Variants in C10orf53 observed in about 807,000 individuals in gnomAD.
C10orf53 encodes the protein UPF0728 protein C10orf53.
A neutral mutation model predicts 9.4 loss-of-function variants in C10orf53; 8 were observed. The ratio of observed to expected loss-of-function variants is 0.85; its 90% CI spans 0.50 to 1.53. The LOEUF is 1.53. C10orf53 is among the 40% of genes most tolerant of loss of function. C10orf53 has a pLI of 0.00. For missense variants in C10orf53, 117 were observed against 117.8 expected (o/e 0.99, Z 0.03); for synonymous variants, 48 against 46.0 (o/e 1.04, Z -0.18).
chr10:49,690,082 G>A (rs1180530721), intron 1 of C10orf53, among the ~76,000 whole-genome samples: 4 of 152,156 alleles, frequency 2.6e-5, no homozygotes, highest in Non-Finnish European at 5.9e-5. Flanking sequence ...TGCAGGAGGT[G>A]AGCGGGTGGA....
At chr10:49,708,376 G>A in exon 3 of C10orf53, 1 of 1,614,092 alleles carries the variant, frequency 6.2e-7, no homozygotes, top group Non-Finnish European at 8.5e-7. Flanking sequence ...CTCACCCCAA[G>A]TAGTGACAAG....
Position 49,694,904 on chromosome 10 carries a change from A to C in C10orf53, c.*302A>C. The C allele has an allele frequency of 8.7e-7, 1 of 1,151,670 alleles. No individual in the cohort carries two copies. The highest frequency in any genetic ancestry group is 1.1e-6 in the Non-Finnish European group (1 of 934,582). The allele number at this position is 1,151,670 out of a possible 1,614,324, so 71.3% of individuals were successfully genotyped here. On this transcript the variant is annotated 3_prime_UTR_variant, in exon 3 of 3. Coordinates refer to ENST00000374111, the MANE Select transcript of C10orf53 (RefSeq NM_001042427.3). ...AAACAATAAAATGCAATCAAATAAC[A>C]AGGTGCCATTCCTGACTAATAACAC...
At chr10:49,709,120 C>T (rs1374789829) in exon 3 of C10orf53, 1 of 162,538 alleles carries the variant, frequency 6.2e-6, no homozygotes, top group Non-Finnish European at 1.3e-5. Context: ...TTTCCATTGT[C>T]ATGTTATATT....
chr10:49,694,381 G>A, intron 2 of C10orf53, 157 bp from the exon 3 acceptor site: 1 of 1,047,966 alleles, frequency 9.5e-7, no homozygotes, highest in East Asian at 2.6e-5. Context: ...AGAAGTTAAA[G>A]CTTTGCAATC....
intron 1 of C10orf53, among the ~76,000 whole-genome samples, chr10:49,680,984 G>A (rs1248927464): frequency 6.6e-6 from 1 of 152,168 alleles, no homozygotes; most frequent in African/African-American, 2.4e-5. Flanking sequence ...CTTGACTTTA[G>A]CATGGGTTTA....
At chr10:49,710,147 A>T (rs1183837276) in exon 3 of C10orf53, 1 of 152,170 alleles carries the variant, frequency 6.6e-6, no homozygotes, top group East Asian at 1.9e-4. Context: ...CAACAAACAC[A>T]CAGTTAACAA....
At chr10:49,699,124 C>T (rs1840660263), downstream of C10orf53, among the ~76,000 whole-genome samples, 1 of 150,444 alleles carries the variant, frequency 6.6e-6, no homozygotes, top group African/African-American at 2.4e-5. Context: ...TTTAAAATAG[C>T]CCAATAATAT....
chr10:49,685,821 T>G (rs908697373), intron 1 of C10orf53, among the ~76,000 whole-genome samples: 9 of 152,228 alleles, frequency 5.9e-5, no homozygotes, highest in Admixed American at 4.6e-4. Flanking sequence ...TTTTTGAGTT[T>G]ATCCTGCTTG....
At chr10:49,706,062 C>T (rs371912015) in intron 2 of C10orf53, among the ~76,000 whole-genome samples, 19 of 152,102 alleles carry the variant, frequency 1.2e-4, no homozygotes, top group East Asian at 1.2e-3. Flanking sequence ...CATACAATTT[C>T]GCACCCACAA....
rs561015611 is a variant in C10orf53, at chr10:49,691,530, G to A, written c.98-2244G>A. Among the ~76,000 whole-genome samples the A allele has an allele frequency of 2.0e-5, 3 of 152,348 alleles. No individual in the cohort carries two copies. The East Asian group carries it at 5.8e-4, about 29-fold the overall frequency. On this transcript the variant is annotated intron_variant, in intron 1 of 2. Coordinates refer to ENST00000374111, the MANE Select transcript of C10orf53 (RefSeq NM_001042427.3). ...AGCCTGTGCTTTGCAACCCTGTAGA[G>A]GGCAGAGTGAAGAGTGGTGTGTCTC... is the stretch of plus-strand genomic sequence containing the variant.
intron 2 of C10orf53, among the ~76,000 whole-genome samples, chr10:49,704,990 G>A (rs192272432): frequency 1.8e-4 from 28 of 152,330 alleles, no homozygotes; most frequent in African/African-American, 6.5e-4. Flanking sequence ...GGAAATGCTT[G>A]TAATAACAAA....
At chr10:49,700,285 C>T (rs538385621), downstream of C10orf53, among the ~76,000 whole-genome samples, 55 of 152,312 alleles carry the variant, frequency 3.6e-4, no homozygotes, top group Non-Finnish European at 1.5e-5. Context: ...CCACCTGATT[C>T]CAGTGCATCC....
intron 1 of C10orf53, among the ~76,000 whole-genome samples, chr10:49,681,756 G>C (rs1236080233): frequency 6.6e-6 from 1 of 152,172 alleles, no homozygotes; most frequent in East Asian, 1.9e-4. Flanking sequence ...AGAGCGGGGA[G>C]CAAGCTCACT....
rs572948451 is a variant in C10orf53 at position 49,681,139 on chromosome 10, TAAGTC to T, written c.97+1349_97+1353del. Reference sequence around the variant, plus strand: ...GGCTCATTGGGACCTAGCCCCATCATAAGTCAAGGAGCATCTGAATTAAGCTTCAT... The same window carrying T: ...GGCTCATTGGGACCTAGCCCCATCATAAGGAGCATCTGAATTAAGCTTCAT... On this transcript the variant is annotated intron_variant, in intron 1 of 2. Transcript: ENST00000374111. 1.8e-3 allele frequency among the ~76,000 whole-genome samples: 270 copies of T among 152,318 alleles called. 1 individual carries two copies. Among genetic ancestry groups the T allele is most frequent in the African/African-American group, 5.9e-3 (246 of 41,572 alleles).
intron 1 of C10orf53, among the ~76,000 whole-genome samples, chr10:49,683,672 CA>C (rs1840500618): frequency 6.6e-6 from 1 of 152,074 alleles, no homozygotes; most frequent in Admixed American, 6.6e-5. Context: ...CCCAGGAGTT[CA>C]AGACCAGCCT....
chr10:49,700,111 T>TGGACTATGGA (rs1840670099), downstream of C10orf53, among the ~76,000 whole-genome samples: 7 of 152,206 alleles, frequency 4.6e-5, no homozygotes, highest in African/African-American at 1.4e-4. Flanking sequence ...TAGTCCAAAC[T>TGGACTATGGA]GCACCACCGA....
At chr10:49,702,129 G>A (rs141112363), downstream of C10orf53, among the ~76,000 whole-genome samples, 1,376 of 151,758 alleles carry the variant, frequency 9.1e-3, 21 homozygotes, top group African/African-American at 0.029. Flanking sequence ...TCCAGGAGGC[G>A]GAGATTGCAG....
At chr10:49,685,105 T>TTC (rs139477458) in intron 1 of C10orf53, among the ~76,000 whole-genome samples, 3 of 151,644 alleles carry the variant, frequency 2.0e-5, no homozygotes, top group South Asian at 2.1e-4. Context: ...TCTGCTCTCT[T>TTC]TCTCTCTCTC....
chr10:49,681,523 G>T (rs1305902803), intron 1 of C10orf53, among the ~76,000 whole-genome samples: 1 of 152,192 alleles, frequency 6.6e-6, no homozygotes, highest in Non-Finnish European at 1.5e-5. Flanking sequence ...AGAAATTTCT[G>T]TTGCAAATAC....
Sources: allele counts gnomAD v4.1 joint callset (sites outside exome capture counted in the v4.1 genomes callset), GRCh38; gene constraint gnomAD v4.1.1; transcripts MANE v1.5; gene names NCBI Gene and HGNC (gene_info 2026-07-23, HGNC 2026-07-21).